Variants in KCNIP4 observed in about 807,000 individuals in gnomAD.
KCNIP4 encodes potassium voltage-gated channel interacting protein 4, also known as Kv channel-interacting protein 4.
KCNIP4 carries 12 observed loss-of-function variants against 34.0 expected under a neutral mutation model. The ratio of observed to expected loss-of-function variants is 0.35; its 90% CI spans 0.23 to 0.57. KCNIP4 has a LOEUF of 0.57. KCNIP4 is among the 20% of genes least tolerant of loss of function. The pLI, the probability that KCNIP4 is intolerant of heterozygous loss-of-function variation, is 0.83. For missense variants in KCNIP4, 238 were observed against 311.7 expected (o/e 0.76, Z 1.78); for synonymous variants, 124 against 102.2 (o/e 1.21, Z -1.29).
chr4:21,833,596 T>C (rs987525351), intron 1 of KCNIP4, among the ~76,000 whole-genome samples: 2 of 152,214 alleles, frequency 1.3e-5, no homozygotes, highest in Non-Finnish European at 2.9e-5. Flanking sequence ...TTTAGTTTAA[T>C]TAGATCCCAT....
chr4:21,047,471 T>C (rs897832286), intron 1 of KCNIP4, among the ~76,000 whole-genome samples: 2 of 152,168 alleles, frequency 1.3e-5, no homozygotes, highest in African/African-American at 4.8e-5. Context: ...CCTACAATAA[T>C]GCAGCTAAGG....
intron 1 of KCNIP4, among the ~76,000 whole-genome samples, chr4:20,927,955 A>G (rs990431200): frequency 1.3e-5 from 2 of 152,184 alleles, no homozygotes; most frequent in African/African-American, 4.8e-5. Flanking sequence ...TCTTGAAGAC[A>G]TGATTTATTT....
At chr4:21,662,301 C>A (rs1748511737) in intron 1 of KCNIP4, among the ~76,000 whole-genome samples, 1 of 152,126 alleles carries the variant, frequency 6.6e-6, no homozygotes, top group African/African-American at 2.4e-5. Context: ...TCATTTCTAC[C>A]AGATGTATTT....
intron 1 of KCNIP4, among the ~76,000 whole-genome samples, chr4:20,990,542 A>G (rs1736999051): frequency 6.6e-6 from 1 of 152,214 alleles, no homozygotes; most frequent in South Asian, 2.1e-4. Flanking sequence ...ATATTGCACT[A>G]ATGTATCTTG....
intron 1 of KCNIP4, among the ~76,000 whole-genome samples, chr4:21,805,934 GAT>G (rs761645492): frequency 6.6e-6 from 1 of 152,168 alleles, no homozygotes; most frequent in Non-Finnish European, 1.5e-5. Context: ...AATTAGGCAT[GAT>G]GAAATGAATG....
intron 3 of KCNIP4, among the ~76,000 whole-genome samples, chr4:20,848,926 C>T (rs1720699019): frequency 6.6e-6 from 1 of 152,128 alleles, no homozygotes; most frequent in African/African-American, 2.4e-5. Flanking sequence ...TGACTTTTGG[C>T]CCAGATTGGT....
chr4:21,718,854 G>C (rs548648011), intron 1 of KCNIP4: 1 of 152,114 alleles, frequency 6.6e-6, no homozygotes, highest in Non-Finnish European at 1.5e-5. Flanking sequence ...TATTTGCAAA[G>C]GACCCTTCAC....
intron 1 of KCNIP4, among the ~76,000 whole-genome samples, chr4:21,903,484 A>G (rs1727820477): frequency 6.6e-6 from 1 of 152,188 alleles, no homozygotes; most frequent in African/African-American, 2.4e-5. Flanking sequence ...CTTCAATATT[A>G]ATTGGTCTTT....
At chr4:21,126,630 A>AAG (rs1430736692) in intron 1 of KCNIP4, among the ~76,000 whole-genome samples, 3 of 125,258 alleles carry the variant, frequency 2.4e-5, no homozygotes, top group East Asian at 5.4e-4. Flanking sequence ...AAAAAAAAAA[A>AAG]AAGAAAAGAA....
chr4:21,841,459 A>T (rs1362650147), intron 1 of KCNIP4, among the ~76,000 whole-genome samples: 1 of 152,216 alleles, frequency 6.6e-6, no homozygotes, highest in African/African-American at 2.4e-5. Context: ...TTGAAAAAGA[A>T]TGTGACTTCC....
intron 3 of KCNIP4, among the ~76,000 whole-genome samples, chr4:20,761,291 C>G (rs182903454): frequency 1.3e-5 from 2 of 152,286 alleles, no homozygotes; most frequent in African/African-American, 4.8e-5. Context: ...CTTAATAAGT[C>G]TCTTTATACT....
chr4:20,748,659 C>A (rs1045386821), intron 5 of KCNIP4, among the ~76,000 whole-genome samples: 5 of 135,192 alleles, frequency 3.7e-5, no homozygotes, highest in Non-Finnish European at 6.3e-5. Flanking sequence ...AATCACAAAG[C>A]AAAATATGTA....
intron 1 of KCNIP4, among the ~76,000 whole-genome samples, chr4:21,676,074 C>T (rs759695301): frequency 3.9e-5 from 6 of 152,088 alleles, no homozygotes; most frequent in Non-Finnish European, 8.8e-5. Flanking sequence ...ACTTGGTCTC[C>T]TTAGGTCTCA....
intron 1 of KCNIP4, chr4:21,304,030 TGA>T (rs770366497): frequency 0.069 from 19,903 of 288,410 alleles, 2,119 homozygotes; most frequent in Admixed American, 0.15. Context: ...GGAGAGCGTA[TGA>T]GAGAGAGAGA....
chr4:21,199,078 G>T (rs979754883), intron 1 of KCNIP4, among the ~76,000 whole-genome samples: 2 of 152,136 alleles, frequency 1.3e-5, no homozygotes, highest in Non-Finnish European at 2.9e-5. Flanking sequence ...GTTCCTTTGG[G>T]TATATACCCA....
intron 1 of KCNIP4, among the ~76,000 whole-genome samples, chr4:21,518,353 TAA>T (rs1440846897): frequency 6.6e-6 from 1 of 152,184 alleles, no homozygotes; most frequent in African/African-American, 2.4e-5. Context: ...CAGTCAGTTC[TAA>T]GACACCTAGT....
intron 1 of KCNIP4, among the ~76,000 whole-genome samples, chr4:21,040,186 G>C (rs571995604): frequency 6.6e-6 from 1 of 152,274 alleles, no homozygotes; most frequent in African/African-American, 2.4e-5. Context: ...AGATTCGGGT[G>C]GGGAAACAAA....
At chr4:21,621,388 G>T (rs1243096991) in intron 1 of KCNIP4, among the ~76,000 whole-genome samples, 2 of 152,074 alleles carry the variant, frequency 1.3e-5, no homozygotes, top group Non-Finnish European at 1.5e-5. Context: ...CTGAGATAGG[G>T]TCTTGCTCTA....
At chr4:21,133,082 A>T (rs939829048) in intron 1 of KCNIP4, among the ~76,000 whole-genome samples, 7 of 152,144 alleles carry the variant, frequency 4.6e-5, no homozygotes, top group African/African-American at 1.4e-4. Context: ...AAGGGAATTC[A>T]TTAATTGCCT....
Sources: gnomAD v4.1 joint callset for allele counts (sites outside exome capture counted in the v4.1 genomes callset) on GRCh38, gnomAD v4.1.1 for gene constraint, MANE v1.5 for transcripts, NCBI Gene and HGNC (gene_info 2026-07-23, HGNC 2026-07-21) for gene names.